The following FANCD2OS variants were observed in gnomAD, a reference collection of about 807,000 sequenced individuals.
FANCD2OS encodes FANCD2 opposite strand.
In FANCD2OS, 11 loss-of-function variants were observed where a neutral mutation model predicts 13.2. The observed-to-expected ratio is 0.83, with a 90% CI of 0.52 to 1.38. The LOEUF (loss-of-function observed/expected upper bound fraction) is 1.38. FANCD2OS is among the 40% of genes most tolerant of loss of function. FANCD2OS has a pLI of 0.00. For synonymous variants in FANCD2OS, 69 were observed against 84.5 expected (o/e 0.82, Z 1.01); for missense variants, 217 against 213.9 (o/e 1.01, Z -0.09).
chr3:10,082,034 C>A (rs1559400167), intron 2 of FANCD2OS, among the ~76,000 whole-genome samples: 1 of 152,200 alleles, frequency 6.6e-6, no homozygotes, highest in Non-Finnish European at 1.5e-5. Context: ...AATTTATTTT[C>A]TGAGCTATAG....
At chr3:10,102,818 G>A (rs1193763449), downstream of FANCD2OS, 3 of 172,622 alleles carry the variant, frequency 1.7e-5, no homozygotes, top group Non-Finnish European at 3.6e-5. Context: ...ACTCCAGCCT[G>A]GGCAACAGAG....
intron 2 of FANCD2OS, chr3:10,095,135 G>C (rs1437483103): frequency 7.5e-6 from 10 of 1,328,908 alleles, no homozygotes; most frequent in Admixed American, 6.9e-5. Flanking sequence ...TGATTGCAAG[G>C]GTATCTTGAA....
At chr3:10,088,496 A>G (rs1694374113) in intron 2 of FANCD2OS, 1 of 1,612,872 alleles carries the variant, frequency 6.2e-7, no homozygotes, top group Admixed American at 1.7e-5. Context: ...AAGTGGGGAT[A>G]AAGAGAAGAG....
At chr3:10,103,575 C>T (rs1695385684), downstream of FANCD2OS, among the ~76,000 whole-genome samples, 1 of 151,884 alleles carries the variant, frequency 6.6e-6, no homozygotes, top group Non-Finnish European at 1.5e-5. Context: ...ACCCTGTCTC[C>T]AAAAACCAAA....
chr3:10,092,301 C>A, intron 2 of FANCD2OS: 1 of 1,416,724 alleles, frequency 7.1e-7, no homozygotes, highest in Non-Finnish European at 1.0e-6. Context: ...CTGCAGAAAC[C>A]AAGTGTCCTG....
At chr3:10,107,581 C>A (rs1478322780) in intron 1 of FANCD2OS, among the ~76,000 whole-genome samples, 1 of 151,898 alleles carries the variant, frequency 6.6e-6, no homozygotes, top group African/African-American at 2.4e-5. Flanking sequence ...CCACCGGGCC[C>A]GGGCCCCCCG....
chr3:10,095,527 T>G (rs1227830751), intron 2 of FANCD2OS, among the ~76,000 whole-genome samples: 2 of 152,172 alleles, frequency 1.3e-5, no homozygotes, highest in East Asian at 3.8e-4. Flanking sequence ...GTGACAGAAA[T>G]AGAATGCTGG....
rs1415298590 is a variant in FANCD2OS at position 10,108,203 on chromosome 3, G to A, written c.-197C>T. 1 of 152,278 alleles carries A rather than the reference G, an allele frequency of 6.6e-6. No individual in the cohort carries two copies. Among genetic ancestry groups the A allele is most frequent in the Non-Finnish European group, 1.5e-5 (1 of 68,104 alleles). 9.4% of individuals were successfully genotyped at this position (152,278 alleles called of 1,614,324 possible). On this transcript the variant is annotated 5_prime_UTR_variant, in exon 1 of 2. Transcript: ENST00000450660. ...TCTGGCTGAGGCGGACGATGCGGTG[G>A]GAACCTGGGCCCAGTCCCACCATCC...
chr3:10,085,044 G>C (rs1694097990), intron 2 of FANCD2OS, among the ~76,000 whole-genome samples: 1 of 152,200 alleles, frequency 6.6e-6, no homozygotes, highest in Non-Finnish European at 1.5e-5. Context: ...GTAATCCAAA[G>C]ATAGAAATGT....
At chr3:10,098,540 A>C (rs1278301549), downstream of FANCD2OS, among the ~76,000 whole-genome samples, 2 of 152,210 alleles carry the variant, frequency 1.3e-5, no homozygotes, top group African/African-American at 2.4e-5. Context: ...CAGACATCTC[A>C]GAAACCTGGA....
rs777648700 is a variant in FANCD2OS, at chr3:10,104,573, C to T, written c.202G>A (p.Val68Met). 4.3e-6 allele frequency: 7 copies of T among 1,614,194 alleles called. No individual in the cohort carries two copies. The highest frequency in any genetic ancestry group is 5.9e-6 in the Non-Finnish European group (7 of 1,180,042). Residue 68 changes from valine (V) to methionine (M), a missense_variant, in exon 2 of 2, where the codon GTG (valine) becomes ATG (methionine). By Grantham distance (21) the Val-to-Met change is conservative. Coordinates refer to ENST00000450660, the MANE Select transcript of FANCD2OS (RefSeq NM_001164839.2). ...GTGTGGCAGGGTAACTTGGGACTCA[C>T]TCCAGATTCCAGGAATGGGCTGTCT... ...VLDSPFLESG[V>M]SPKLPCHTSE...
chr3:10,094,957 C>G, intron 2 of FANCD2OS: 1 of 529,300 alleles, frequency 1.9e-6, no homozygotes, highest in Non-Finnish European at 3.4e-6. Context: ...GACATGGTAA[C>G]CTATGTAAAA....
intron 1 of FANCD2OS, among the ~76,000 whole-genome samples, chr3:10,106,343 A>G (rs1559415420): frequency 1.3e-5 from 2 of 152,218 alleles, no homozygotes; most frequent in Non-Finnish European, 2.9e-5. Context: ...CTGAAAATTT[A>G]TGCAAGTAAA....
In FANCD2OS at chr3:10,104,245, T is replaced by G. The variant is rs1467523962; in HGVS notation, c.530A>C (p.Lys177Thr). 1.2e-6 allele frequency: 2 copies of G among 1,603,612 alleles called. No homozygotes were observed. The highest frequency in any genetic ancestry group is 2.7e-5 in the African/African-American group (2 of 74,672). The part of the protein sequence containing the change: ...KKCTFALQHS[K>T] ...TGGGGATCAAATGAGGACCCTTTACTTGGAGTGCTGCAAGGCAAAGGTGCA... is the reference window on the plus strand; with the variant it reads ...TGGGGATCAAATGAGGACCCTTTACGTGGAGTGCTGCAAGGCAAAGGTGCA... Residue 177 changes from lysine (K) to threonine (T), a missense_variant, in exon 2 of 2, where the codon AAG (lysine) becomes ACG (threonine). Transcript: ENST00000450660.
At chr3:10,096,246 A>C (rs1347206160) in intron 2 of FANCD2OS, 2 of 1,468,744 alleles carry the variant, frequency 1.4e-6, no homozygotes, top group African/African-American at 2.8e-5. Flanking sequence ...GTTCTTATTC[A>C]ACATTCAAAG....
chr3:10,089,162 G>A (rs1263764573), intron 2 of FANCD2OS, among the ~76,000 whole-genome samples: 1 of 152,014 alleles, frequency 6.6e-6, no homozygotes, highest in Admixed American at 6.6e-5. Flanking sequence ...GCACATGCCT[G>A]TAATCCCAGC....
chr3:10,086,382 C>A (rs1406845246), intron 2 of FANCD2OS, among the ~76,000 whole-genome samples: 1 of 152,164 alleles, frequency 6.6e-6, no homozygotes, highest in Non-Finnish European at 1.5e-5. Flanking sequence ...GCCCCCTCCC[C>A]CTTCAGTCAG....
intron 2 of FANCD2OS, chr3:10,092,141 G>A (rs1416210959): frequency 7.6e-7 from 1 of 1,307,236 alleles, no homozygotes; most frequent in South Asian, 1.2e-5. Flanking sequence ...GGAAGTATTT[G>A]GCTGTGACTC....
intron 2 of FANCD2OS, among the ~76,000 whole-genome samples, chr3:10,086,979 T>A (rs1350867982): frequency 6.6e-6 from 1 of 152,180 alleles, no homozygotes; most frequent in African/African-American, 2.4e-5. Flanking sequence ...ACCAAGATGC[T>A]TGAAGAGGGT....
Sources: gnomAD v4.1 joint callset for allele counts (sites outside exome capture counted in the v4.1 genomes callset) on GRCh38, gnomAD v4.1.1 for gene constraint, MANE v1.5 for transcripts, NCBI Gene and HGNC (gene_info 2026-07-23, HGNC 2026-07-21) for gene names.